NR3C2: variants seen among roughly 807,000 people sequenced by gnomAD.
NR3C2 encodes the protein nuclear receptor subfamily 3 group C member 2.
NR3C2 carries 15 observed loss-of-function variants against 86.4 expected under a neutral mutation model. That is an observed-to-expected ratio of 0.17 (90% confidence interval 0.12 to 0.27). NR3C2 has a LOEUF of 0.27. Ranked by LOEUF, NR3C2 falls within the 10% of genes least tolerant of loss-of-function variation. The probability of loss-of-function intolerance (pLI) is 1.00; values close to 1 mark genes in which losing one functional copy is unlikely to be tolerated. For missense variants in NR3C2, 960 were observed against 1,195.6 expected, an observed-to-expected ratio of 0.80 and a Z score of 2.91; for synonymous variants, 458 against 450.5, an observed-to-expected ratio of 1.02 and a Z score of -0.21.
rs187577638 is a variant in NR3C2 at position 148,103,964 on chromosome 4, T to C, written c.2799+10140A>G. Among the ~76,000 whole-genome samples the C allele has an allele frequency of 1.9e-3, 286 of 152,298 alleles. 2 individuals carry two copies. The highest frequency in any genetic ancestry group is 6.7e-3 in the African/African-American group (280 of 41,568). ...CCTATTATTTCCTATTTACCACCCA[T>C]TATTAATTATATTTGTTGCATTTTC... On this transcript the variant is annotated intron_variant, in intron 8 of 8. Transcript: ENST00000358102.
chr4:148,259,694 C>A (rs1410409020), intron 3 of NR3C2, among the ~76,000 whole-genome samples: 2 of 152,130 alleles, frequency 1.3e-5, no homozygotes, highest in Non-Finnish European at 2.9e-5. Context: ...TTTACAATGA[C>A]AAGGAATTAT....
chr4:148,228,482 ATTT>A (rs566280755), intron 3 of NR3C2, among the ~76,000 whole-genome samples: 207 of 152,224 alleles, frequency 1.4e-3, no homozygotes, highest in African/African-American at 4.6e-3. Flanking sequence ...AGCTGCAATG[ATTT>A]TTTTGCCAGC....
chr4:148,405,985 G>T (rs957505784), intron 2 of NR3C2, among the ~76,000 whole-genome samples: 2 of 152,090 alleles, frequency 1.3e-5, no homozygotes, highest in Non-Finnish European at 2.9e-5. Flanking sequence ...CTCTGCAAAG[G>T]GTTTTGGGTT....
At chr4:148,362,419 C>T (rs1373848884) in intron 2 of NR3C2, among the ~76,000 whole-genome samples, 1 of 151,876 alleles carries the variant, frequency 6.6e-6, no homozygotes. Flanking sequence ...CACTATGTAC[C>T]TCATGAATAA....
chr4:148,388,452 T>G (rs1440876556), intron 2 of NR3C2, among the ~76,000 whole-genome samples: 1 of 152,176 alleles, frequency 6.6e-6, no homozygotes, highest in African/African-American at 2.4e-5. Flanking sequence ...AGATTCGAAA[T>G]GCTCAACCTA....
chr4:148,283,616 T>C (rs1208345781), intron 2 of NR3C2, among the ~76,000 whole-genome samples: 1 of 152,238 alleles, frequency 6.6e-6, no homozygotes, highest in African/African-American at 2.4e-5. Context: ...ATTCAGTGCC[T>C]TATCTACCCT....
chr4:148,128,097 C>T (rs1206798090), intron 6 of NR3C2, among the ~76,000 whole-genome samples: 11 of 152,088 alleles, frequency 7.2e-5, no homozygotes, highest in African/African-American at 1.4e-4. Flanking sequence ...CATTAAAATC[C>T]GAGTGTGAGT....
intron 2 of NR3C2, among the ~76,000 whole-genome samples, chr4:148,403,471 A>G (rs2126540113): frequency 6.6e-6 from 1 of 152,170 alleles, no homozygotes; most frequent in South Asian, 2.1e-4. Flanking sequence ...AAGTTTAGGG[A>G]AATGTTCTAT....
intron 2 of NR3C2, among the ~76,000 whole-genome samples, chr4:148,394,392 C>T (rs1747749749): frequency 6.7e-6 from 1 of 149,418 alleles, no homozygotes. Context: ...AAACAAAAAA[C>T]AAAACAACCA....
At chr4:148,270,077 ATTTTT>A (rs11303019) in intron 2 of NR3C2, among the ~76,000 whole-genome samples, 1 of 145,894 alleles carries the variant, frequency 6.9e-6, no homozygotes, top group African/African-American at 2.5e-5. Flanking sequence ...TGATTTCAGC[ATTTTT>A]TTTTTTTTTG....
intron 8 of NR3C2, among the ~76,000 whole-genome samples, chr4:148,111,492 G>C (rs1486073026): frequency 6.6e-6 from 1 of 152,200 alleles, no homozygotes; most frequent in African/African-American, 2.4e-5. Flanking sequence ...CAAGAAAGGA[G>C]AAAGTATATG....
At chr4:148,179,951 T>C (rs367996021) in intron 4 of NR3C2, among the ~76,000 whole-genome samples, 16 of 151,908 alleles carry the variant, frequency 1.1e-4, no homozygotes, top group African/African-American at 3.4e-4. Flanking sequence ...AAAAGTCCCA[T>C]TGAAATTCTT....
intron 2 of NR3C2, among the ~76,000 whole-genome samples, chr4:148,358,634 A>G (rs924415289): frequency 3.6e-4 from 2 of 5,498 alleles, no homozygotes; most frequent in Non-Finnish European, 4.9e-3. Flanking sequence ...CAAATAAAAA[A>G]TAAAAAAAAA....
intron 8 of NR3C2, among the ~76,000 whole-genome samples, chr4:148,097,760 T>TG (rs1731356772): frequency 7.0e-6 from 1 of 143,404 alleles, no homozygotes; most frequent in Admixed American, 6.8e-5. Flanking sequence ...TGTTTTTTTT[T>TG]TTTTTTTTAA....
chr4:148,369,158 C>T (rs1310117480), intron 2 of NR3C2, among the ~76,000 whole-genome samples: 5 of 152,208 alleles, frequency 3.3e-5, no homozygotes, highest in Non-Finnish European at 7.3e-5. Flanking sequence ...CCTCATTCTG[C>T]TTCATGCAAA....
intron 3 of NR3C2, among the ~76,000 whole-genome samples, chr4:148,218,677 C>G (rs1219295238): frequency 6.6e-6 from 1 of 152,164 alleles, no homozygotes. Context: ...CAGTTAATTC[C>G]TGTTCCCACT....
intron 3 of NR3C2, among the ~76,000 whole-genome samples, chr4:148,232,831 A>AACTTC (rs1308750011): frequency 6.6e-6 from 1 of 152,208 alleles, no homozygotes; most frequent in Admixed American, 6.5e-5. Flanking sequence ...CACTTCCATC[A>AACTTC]ACGTGAAGTG....
intron 8 of NR3C2, among the ~76,000 whole-genome samples, chr4:148,082,644 G>A (rs530869866): frequency 2.9e-3 from 429 of 148,622 alleles, no homozygotes; most frequent in Non-Finnish European, 4.6e-3. Context: ...ACTGGTTAGG[G>A]CAGACACTGA....
At chr4:148,165,802 G>A (rs1734853956) in intron 4 of NR3C2, among the ~76,000 whole-genome samples, 1 of 152,162 alleles carries the variant, frequency 6.6e-6, no homozygotes. Context: ...GTATTTCTGA[G>A]TATCTTCACT....
Sources: gnomAD v4.1 joint callset for allele counts (sites outside exome capture counted in the v4.1 genomes callset) on GRCh38, gnomAD v4.1.1 for gene constraint, MANE v1.5 for transcripts, NCBI Gene and HGNC (gene_info 2026-07-23, HGNC 2026-07-21) for gene names.